SASH3: variants seen among roughly 807,000 people sequenced by gnomAD.
SASH3 encodes the protein SAM and SH3 domain-containing protein 3.
Under a neutral mutation model 26.1 loss-of-function variants are expected in SASH3, and 7 were observed. The ratio of observed to expected loss-of-function variants is 0.27; its 90% CI spans 0.15 to 0.50. The LOEUF is 0.50. Ranked by LOEUF, SASH3 falls within the 20% of genes least tolerant of loss-of-function variation. SASH3 has a pLI of 0.98. For missense variants in SASH3, 231 were observed against 318.3 expected (o/e 0.73, Z 2.09); for synonymous variants, 138 against 136.8 (o/e 1.01, Z -0.06).
intron 4 of SASH3, among the ~76,000 whole-genome samples, chrX:129,791,499 G>C (rs1018169300): frequency 8.9e-6 from 1 of 112,153 alleles, no homozygotes; most frequent in African/African-American, 3.2e-5. Context: ...TGCCCCAGTC[G>C]GGGGTGGGCG....
Position 129,788,083 on chromosome X carries a change from GCATCCTTGT to G in SASH3, c.153+14_153+22del. 1 of 977,970 alleles carries G rather than the reference GCATCCTTGT, an allele frequency of 1.0e-6. No individual in the cohort carries two copies. The highest frequency in any genetic ancestry group is 1.4e-6 in the Non-Finnish European group (1 of 721,523). The allele number at this position is 977,970 out of a possible 1,213,427, so 80.6% of individuals were successfully genotyped here. On this transcript the variant is annotated intron_variant, in intron 2 of 7. Coordinates refer to ENST00000356892, the MANE Select transcript of SASH3 (RefSeq NM_018990.4). ...TCTGGATGATAACGTGAGTTTCAGG[GCATCCTTGT>G]GGGATCTGGCTGCAGGCCCTGGGCA...
intron 3 of SASH3, 81 bp downstream of exon 3, chrX:129,788,658 A>G (rs1927154836): frequency 7.0e-6 from 7 of 999,800 alleles, no homozygotes; most frequent in African/African-American, 1.9e-5. Context: ...GACCACCTCA[A>G]TAGCCACTAC....
At chrX:129,781,445 G>T (rs1482753371) in intron 1 of SASH3, among the ~76,000 whole-genome samples, 1 of 111,835 alleles carries the variant, frequency 8.9e-6, no homozygotes, top group Admixed American at 9.4e-5. Context: ...ACCCTGCAGG[G>T]TGCTAGGCCC....
chrX:129,789,129 G>GAAAGAAAGA, intron 3 of SASH3, among the ~76,000 whole-genome samples: 1 of 42,779 alleles, frequency 2.3e-5, no homozygotes. Context: ...AAGAAAGAAA[G>GAAAGAAAGA]AAAGAAAGAA....
rs1431433144 is a variant in SASH3, at chrX:129,788,521, C to T, written c.244C>T (p.Arg82Ter). 2 of 1,210,026 alleles carry T rather than the reference C, an allele frequency of 1.7e-6. No individual in the cohort carries two copies. Among genetic ancestry groups the T allele is most frequent in the Non-Finnish European group, 2.2e-6 (2 of 895,131 alleles). The change falls in exon 3 of 8, where the codon CGA becomes TGA. Residue 82 changes from arginine to a stop codon, truncating the protein, a stop_gained. Transcript: ENST00000356892. LOFTEE classifies it high-confidence loss of function. ...GAAGAAGTGGAGGGCAGTGATTTCCCGAACCATGAACAGGAAGATGGGCAA... is the reference window on the plus strand; with the variant it reads ...GAAGAAGTGGAGGGCAGTGATTTCCTGAACCATGAACAGGAAGATGGGCAA... ...LGKKWRAVIS[R>*]TMNRKMGKMM...
intron 1 of SASH3, among the ~76,000 whole-genome samples, chrX:129,781,391 G>A (rs1927014295): frequency 9.0e-6 from 1 of 111,602 alleles, no homozygotes; most frequent in African/African-American, 3.3e-5. Flanking sequence ...GGGGGAGGGG[G>A]GAGGTTCATG....
chrX:129,792,920 G>C, intron 6 of SASH3, 69 bp from the exon 7 acceptor site: 1 of 1,199,462 alleles, frequency 8.3e-7, no homozygotes, highest in East Asian at 3.0e-5. Flanking sequence ...ACAGCTATGC[G>C]TAGTTGGGGA....
At chrX:129,782,127 C>T (rs920428938) in intron 1 of SASH3, among the ~76,000 whole-genome samples, 5 of 112,532 alleles carry the variant, frequency 4.4e-5, no homozygotes, top group African/African-American at 9.7e-5. Context: ...AATCCTACCA[C>T]GCTCTAGCTG....
intron 1 of SASH3, among the ~76,000 whole-genome samples, chrX:129,787,229 C>T (rs5977152): frequency 8.9e-5 from 10 of 112,281 alleles, no homozygotes; most frequent in African/African-American, 1.6e-4. Flanking sequence ...TAGGTCATGC[C>T]TAAAAGTCCA....
intron 4 of SASH3, among the ~76,000 whole-genome samples, chrX:129,791,457 G>A (rs1385561852): frequency 8.9e-6 from 1 of 112,130 alleles, no homozygotes. Context: ...TTTCCAAGGG[G>A]AGCTAGAGGC....
chrX:129,785,162 T>G (rs1280291621), intron 1 of SASH3, among the ~76,000 whole-genome samples: 2 of 110,719 alleles, frequency 1.8e-5, no homozygotes, highest in East Asian at 5.7e-4. Flanking sequence ...CACATTCCCC[T>G]GAGCCATGAA....
chrX:129,787,988 G>A lies in SASH3; in HGVS notation c.71G>A (p.Arg24His). ...CCCTTTTTCCAGCTCTCCCTTCAGCGCTCCAGCAGCTTCAAGGATTTTGCC... is the reference window on the plus strand; with the variant it reads ...CCCTTTTTCCAGCTCTCCCTTCAGCACTCCAGCAGCTTCAAGGATTTTGCC... ...PTQKKKLSLQRSSSFKDFAKS... is the reference protein window; with the variant it reads ...PTQKKKLSLQHSSSFKDFAKS... The change falls in exon 2 of 8, where the codon CGC (arginine) becomes CAC (histidine). Residue 24 changes from arginine (R) to histidine (H), a missense_variant. By Grantham distance (29) the Arg-to-His change is conservative. Transcript: ENST00000356892. 1 of 1,209,883 alleles carries A rather than the reference G, an allele frequency of 8.3e-7. No homozygotes were observed. Among genetic ancestry groups the A allele is most frequent in the South Asian group, 1.8e-5 (1 of 56,876 alleles).
At position 129,793,935 on chromosome X, in the gene SASH3, C is replaced by T. The variant is rs1927281991; in HGVS notation, c.*103C>T. On this transcript the variant is annotated 3_prime_UTR_variant, in exon 8 of 8. Transcript: ENST00000356892. Reference sequence around the variant, plus strand: ...CAGGTCCTGAGGACTGGCACTGAGCCTGGCCCTGCTTCCCCAGGGACACTT... The same window carrying T: ...CAGGTCCTGAGGACTGGCACTGAGCTTGGCCCTGCTTCCCCAGGGACACTT... 1.3e-6 allele frequency: 1 copy of T among 786,834 alleles called. No individual in the cohort carries two copies. Among genetic ancestry groups the T allele is most frequent in the East Asian group, 3.5e-5 (1 of 28,858 alleles). 64.8% of individuals were successfully genotyped at this position (786,834 alleles called of 1,213,427 possible).
chrX:129,791,572 G>A (rs1308124534), intron 4 of SASH3, among the ~76,000 whole-genome samples: 1 of 111,981 alleles, frequency 8.9e-6, no homozygotes, highest in Non-Finnish European at 1.9e-5. Context: ...CTGGGCTCAG[G>A]GCATCACCTG....
intron 4 of SASH3, among the ~76,000 whole-genome samples, chrX:129,791,397 C>T (rs939409470): frequency 2.7e-5 from 3 of 112,037 alleles, no homozygotes; most frequent in Middle Eastern, 4.2e-3. Flanking sequence ...GAGAGGCCCA[C>T]GGGCAGAGGA....
rs927441299 is a variant in SASH3, at chrX:129,794,978, G to C, written c.*1146G>C. On this transcript the variant is annotated 3_prime_UTR_variant, in exon 8 of 8. Transcript: ENST00000356892. ...TGAGTGGGGGCCTCCCTTGACCCCA[G>C]TACGAAGTCTATGCCCTGAATCCCC... 1.8e-5 allele frequency: 2 copies of C among 111,538 alleles called. No homozygotes were observed. The highest frequency in any genetic ancestry group is 3.3e-5 in the African/African-American group (1 of 30,628). 9.2% of individuals were successfully genotyped at this position (111,538 alleles called of 1,213,427 possible). A position where few individuals can be genotyped will look rare whatever the true frequency, so the allele number is the denominator to read the frequency against.
chrX:129,789,153 G>GAAAGAAAGAAAGAA (rs1927176303), intron 3 of SASH3, among the ~76,000 whole-genome samples: 1 of 64,407 alleles, frequency 1.6e-5, no homozygotes. Context: ...AAGAAAGAAA[G>GAAAGAAAGAAAGAA]AAAGAAAGAA....
rs1927287581 is a variant in SASH3, at chrX:129,794,086, C to A, written c.*254C>A. On this transcript the variant is annotated 3_prime_UTR_variant, in exon 8 of 8. Transcript: ENST00000356892. ...TCCACCAGCGACTGACAGCGCAGCC[C>A]CTCCTGGCACCAACTGCTCCCCTGC... is the stretch of plus-strand genomic sequence containing the variant. 1 of 371,512 alleles carries A rather than the reference C, an allele frequency of 2.7e-6. No individual in the cohort carries two copies. Among genetic ancestry groups the A allele is most frequent in the Non-Finnish European group, 4.7e-6 (1 of 212,555 alleles). 30.6% of individuals were successfully genotyped at this position (371,512 alleles called of 1,213,427 possible).
chrX:129,790,110 A>C (rs1927204352), intron 3 of SASH3, among the ~76,000 whole-genome samples: 1 of 111,528 alleles, frequency 9.0e-6, no homozygotes, highest in East Asian at 2.8e-4. Context: ...AAAAACGAAC[A>C]AAGGTAATAC....
Sources: allele counts gnomAD v4.1 joint callset (sites outside exome capture counted in the v4.1 genomes callset), GRCh38; gene constraint gnomAD v4.1.1; transcripts MANE v1.5; gene names NCBI Gene and HGNC (gene_info 2026-07-23, HGNC 2026-07-21).